The following NCOA3 variants were observed in gnomAD, a reference collection of about 807,000 sequenced individuals.
NCOA3 encodes the protein CBP-interacting protein.
NCOA3 carries 51 observed loss-of-function variants against 158.8 expected under a neutral mutation model. The ratio of observed to expected loss-of-function variants is 0.32; its 90% CI spans 0.26 to 0.41. NCOA3 has a LOEUF of 0.41. NCOA3 is among the 10% of genes least tolerant of loss of function. The probability of loss-of-function intolerance (pLI) is 1.00; values close to 1 mark genes in which losing one functional copy is unlikely to be tolerated. For missense variants in NCOA3, 1,510 were observed against 1,746.6 expected (o/e 0.86, Z 2.41); for synonymous variants, 537 against 592.4 (o/e 0.91, Z 1.36).
At chr20:47,601,808 G>A (rs2085868782) in intron 2 of NCOA3, among the ~76,000 whole-genome samples, 1 of 152,190 alleles carries the variant, frequency 6.6e-6, no homozygotes, top group African/African-American at 2.4e-5. Flanking sequence ...TGCAGCTGGT[G>A]GGTTCAAAAT....
At chr20:47,514,206 T>A (rs1438671360) in intron 1 of NCOA3, among the ~76,000 whole-genome samples, 3 of 152,036 alleles carry the variant, frequency 2.0e-5, no homozygotes, top group African/African-American at 7.2e-5. Context: ...TTTTATTTTT[T>A]TGAATTTTTT....
intron 2 of NCOA3, among the ~76,000 whole-genome samples, chr20:47,614,181 G>C (rs1470614661): frequency 1.3e-5 from 2 of 152,100 alleles, no homozygotes; most frequent in South Asian, 2.1e-4. Context: ...ATTAGTAAGG[G>C]TATGAATGAC....
At chr20:47,624,877 A>T (rs981306952) in intron 4 of NCOA3, among the ~76,000 whole-genome samples, 2 of 152,046 alleles carry the variant, frequency 1.3e-5, no homozygotes, top group Admixed American at 6.6e-5. Context: ...GGTTCAAGAG[A>T]TTCTCCTGCC....
At chr20:47,627,829 C>A in intron 7 of NCOA3, 80 bp downstream of exon 7, 5 of 1,573,878 alleles carry the variant, frequency 3.2e-6, no homozygotes, top group Admixed American at 1.7e-5. Context: ...TGTTGTAACC[C>A]TTCTTACTGA....
At chr20:47,616,544 T>C (rs182134692) in intron 2 of NCOA3, among the ~76,000 whole-genome samples, 34 of 152,320 alleles carry the variant, frequency 2.2e-4, no homozygotes, top group Non-Finnish European at 3.7e-4. Context: ...TACATTTAAG[T>C]AGTGTAGCAT....
rs2086253227 is a variant in NCOA3, at chr20:47,622,237, G to C, written c.-11G>C. 6.4e-7 allele frequency: 1 copy of C among 1,558,726 alleles called. No homozygotes were observed. The highest frequency in any genetic ancestry group is 1.8e-5 in the Admixed American group (1 of 56,486). ...TCATTATTCTCTCTTAGTTGCTGAT[G>C]TATATTCAAGATGAGTGGATTAGGA... On this transcript the variant is annotated 5_prime_UTR_variant, in exon 3 of 23. The change abolishes an upstream ATG in the 5' untranslated region. Coordinates refer to ENST00000371998, the MANE Select transcript of NCOA3 (RefSeq NM_181659.3).
intron 21 of NCOA3, 57 bp downstream of exon 21, chr20:47,652,637 TTAATG>T: frequency 1.3e-6 from 2 of 1,509,600 alleles, no homozygotes; most frequent in East Asian, 4.7e-5. Context: ...GTCCAAGAAC[TTAATG>T]TATTTTTCAG....
rs200324026 is a variant in NCOA3, at chr20:47,563,904, AG to A, written c.-98-19278del. Reference sequence around the variant, plus strand: ...ATTCTGTCTCAAAAAAAAAAAAAAAAGAAAGAAAAAAGAAAAAGGCTGAGGT... The same window carrying A: ...ATTCTGTCTCAAAAAAAAAAAAAAAAAAAGAAAAAAGAAAAAGGCTGAGGT... On this transcript the variant is annotated intron_variant, in intron 1 of 22. Coordinates refer to ENST00000371998, the MANE Select transcript of NCOA3 (RefSeq NM_181659.3). 4.9e-3 allele frequency among the ~76,000 whole-genome samples: 702 copies of A among 142,504 alleles called. 53 individuals carry two copies. Among genetic ancestry groups the A allele is most frequent in the African/African-American group, 0.012 (460 of 38,260 alleles). 93.5% of individuals were successfully genotyped at this position (142,504 alleles called of 152,430 possible). A position where few individuals can be genotyped will look rare whatever the true frequency, so the allele number is the denominator to read the frequency against.
At chr20:47,632,356 G>T (rs920933931) in intron 8 of NCOA3, among the ~76,000 whole-genome samples, 2 of 150,906 alleles carry the variant, frequency 1.3e-5, no homozygotes, top group Non-Finnish European at 2.9e-5. Context: ...TCCTTTGGAA[G>T]CTCATCAAAT....
intron 8 of NCOA3, chr20:47,628,793 G>A (rs539737132): frequency 1.3e-5 from 2 of 152,100 alleles, no homozygotes; most frequent in Non-Finnish European, 2.9e-5. Context: ...TAAAGACATC[G>A]TGGTTGATAA....
At chr20:47,540,212 G>A (rs2084700676) in intron 1 of NCOA3, among the ~76,000 whole-genome samples, 1 of 152,136 alleles carries the variant, frequency 6.6e-6, no homozygotes. Flanking sequence ...ACTTTGGCTT[G>A]GAGATACTTA....
At chr20:47,638,638 C>T (rs1374576134) in intron 13 of NCOA3, among the ~76,000 whole-genome samples, 1 of 152,120 alleles carries the variant, frequency 6.6e-6, no homozygotes, top group Non-Finnish European at 1.5e-5. Flanking sequence ...AAATTATAAA[C>T]AGTATACTTA....
At chr20:47,600,423 G>A (rs901724297) in intron 2 of NCOA3, among the ~76,000 whole-genome samples, 3 of 151,748 alleles carry the variant, frequency 2.0e-5, no homozygotes, top group Admixed American at 1.3e-4. Context: ...CAATCTGCCC[G>A]CCTCGGCCTC....
At chr20:47,653,260 A>G in intron 22 of NCOA3, 146 bp from the exon 23 acceptor site, 1 of 1,184,610 alleles carries the variant, frequency 8.4e-7, no homozygotes, top group East Asian at 2.5e-5. Flanking sequence ...CCAGAGCTGC[A>G]TTGTAAGATG....
In NCOA3 at chr20:47,636,065, G is replaced by A. The variant is rs1167143541; in HGVS notation, c.1679G>A (p.Ser560Asn). ...NSPNMNITQPSKVSNQDSKSP... is the reference protein window; with the variant it reads ...NSPNMNITQPNKVSNQDSKSP... ...CCCAATATGAATATTACCCAACCAA[G>A]TAAAGTAAGCAATCAGGATTCCAAG... The change falls in exon 12 of 23, where the codon AGT (serine) becomes AAT (asparagine). Residue 560 changes from serine to asparagine, a missense_variant. Coordinates refer to ENST00000371998, the MANE Select transcript of NCOA3 (RefSeq NM_181659.3). The A allele has an allele frequency of 1.2e-6, 2 of 1,614,016 alleles. No individual in the cohort carries two copies. Among genetic ancestry groups the A allele is most frequent in the Non-Finnish European group, 1.7e-6 (2 of 1,180,036 alleles).
At chr20:47,650,259 CTTT>C (rs555753870) in intron 19 of NCOA3, among the ~76,000 whole-genome samples, 1 of 131,092 alleles carries the variant, frequency 7.6e-6, no homozygotes. Flanking sequence ...AGCCAGAAAG[CTTT>C]TTTTTTTTTT....
intron 1 of NCOA3, among the ~76,000 whole-genome samples, chr20:47,516,608 A>G (rs752652108): frequency 1.3e-5 from 2 of 152,132 alleles, no homozygotes. Context: ...ATTTTAGACA[A>G]TAAAAAACAA....
chr20:47,600,814 C>CAA lies in NCOA3; in HGVS notation c.-20+17571_-20+17572dup, dbSNP rs376125255. Reference sequence around the variant, plus strand: ...TACGGGCATGAGCCACTGTCCCTGGCAAAAAAAAAAAAAAAAAAAGATAGA... The same window carrying CAA: ...TACGGGCATGAGCCACTGTCCCTGGCAAAAAAAAAAAAAAAAAAAAAGATAGA... On this transcript the variant is annotated intron_variant, in intron 2 of 22. Coordinates refer to ENST00000371998, the MANE Select transcript of NCOA3 (RefSeq NM_181659.3). Among the ~76,000 whole-genome samples the CAA allele has an allele frequency of 1.7e-3, 122 of 72,926 alleles. 1 individual carries two copies. Among genetic ancestry groups the CAA allele is most frequent in the South Asian group, 9.7e-3 (20 of 2,062 alleles). 47.8% of individuals were successfully genotyped at this position (72,926 alleles called of 152,430 possible).
intron 1 of NCOA3, among the ~76,000 whole-genome samples, chr20:47,555,237 G>A (rs548598615): frequency 4.0e-4 from 61 of 152,306 alleles, no homozygotes; most frequent in Non-Finnish European, 7.5e-4. Context: ...ATGAAGCCAA[G>A]TATATTATCT....
Sources: gnomAD v4.1 joint callset for allele counts (sites outside exome capture counted in the v4.1 genomes callset) on GRCh38, gnomAD v4.1.1 for gene constraint, MANE v1.5 for transcripts, NCBI Gene and HGNC (gene_info 2026-07-23, HGNC 2026-07-21) for gene names.